KLF12: variants seen among roughly 807,000 people sequenced by gnomAD.
KLF12 encodes the protein Krueppel-like factor 12.
KLF12 carries 9 observed loss-of-function variants against 37.8 expected under a neutral mutation model. The observed-to-expected ratio is 0.24, with a 90% CI of 0.14 to 0.42. The LOEUF (loss-of-function observed/expected upper bound fraction) is 0.42, where lower values mean the gene tolerates loss of function less well. Ranked by LOEUF, KLF12 falls within the 10% of genes least tolerant of loss-of-function variation. The pLI is 1.00. For missense variants in KLF12, 411 were observed against 516.0 expected (o/e 0.80, Z 1.97); for synonymous variants, 208 against 202.1 (o/e 1.03, Z -0.25).
At chr13:73,942,785 C>A (rs1890245758) in intron 3 of KLF12, among the ~76,000 whole-genome samples, 1 of 152,174 alleles carries the variant, frequency 6.6e-6, no homozygotes. Flanking sequence ...TTCAAAGCTA[C>A]AAAACTCAAC....
At chr13:74,027,314 C>A (rs1003049639) in intron 1 of KLF12, among the ~76,000 whole-genome samples, 2 of 152,196 alleles carry the variant, frequency 1.3e-5, no homozygotes, top group African/African-American at 4.8e-5. Context: ...AGTTCTCACA[C>A]TTCCCCCTCT....
chr13:74,135,992 C>G (rs555752702), upstream of KLF12, among the ~76,000 whole-genome samples: 1 of 152,304 alleles, frequency 6.6e-6, no homozygotes, highest in Non-Finnish European at 1.5e-5. Flanking sequence ...CCTCTTGCCA[C>G]TCCTAGGTTC....
At chr13:74,251,666 C>T in the KLF12 span, among the ~76,000 whole-genome samples, 5 of 152,252 alleles carry the variant, frequency 3.3e-5, no homozygotes, top group Admixed American at 2.6e-4. Flanking sequence ...TTTGGCTCCC[C>T]AGTTGGCTGA....
the KLF12 span, among the ~76,000 whole-genome samples, chr13:74,249,549 G>A: frequency 2.6e-5 from 4 of 152,110 alleles, no homozygotes; most frequent in South Asian, 6.2e-4. Context: ...GGGTGGGTAG[G>A]AGGAGCATCA....
the KLF12 span, among the ~76,000 whole-genome samples, chr13:74,182,737 C>A: frequency 6.6e-6 from 1 of 152,196 alleles, no homozygotes; most frequent in Non-Finnish European, 1.5e-5. Context: ...TTATAGAAAC[C>A]AGAGCATTGC....
chr13:74,240,989 A>T, the KLF12 span, among the ~76,000 whole-genome samples: 1 of 151,966 alleles, frequency 6.6e-6, no homozygotes, highest in Non-Finnish European at 1.5e-5. Flanking sequence ...GCTGGTGAGG[A>T]ACTGCGTTCC....
intron 3 of KLF12, among the ~76,000 whole-genome samples, chr13:73,899,390 A>G (rs149088701): frequency 6.6e-6 from 1 of 152,244 alleles, no homozygotes; most frequent in East Asian, 1.9e-4. Flanking sequence ...TAATCTCTCA[A>G]CCCCAAAAAG....
intron 3 of KLF12, among the ~76,000 whole-genome samples, chr13:73,897,890 TTC>T (rs1887860569): frequency 6.6e-6 from 1 of 152,244 alleles, no homozygotes; most frequent in Non-Finnish European, 1.5e-5. Context: ...ATAATGTGGT[TTC>T]TGTTTATTCC....
chr13:73,985,441 G>C (rs1246367654), intron 2 of KLF12, among the ~76,000 whole-genome samples: 1 of 152,162 alleles, frequency 6.6e-6, no homozygotes, highest in Non-Finnish European at 1.5e-5. Context: ...AACAGGGAAA[G>C]GGATTACTCA....
intron 7 of KLF12, among the ~76,000 whole-genome samples, 199 bp downstream of exon 7, chr13:73,715,169 A>G (rs1238220147): frequency 6.6e-6 from 1 of 152,192 alleles, no homozygotes; most frequent in African/African-American, 2.4e-5. Flanking sequence ...TGTTCCCAAC[A>G]TTTTAAAAGC....
chr13:73,864,284 A>AT (rs1886069772), intron 3 of KLF12, among the ~76,000 whole-genome samples: 1 of 152,132 alleles, frequency 6.6e-6, no homozygotes, highest in African/African-American at 2.4e-5. Flanking sequence ...CTTGGTTTCA[A>AT]TTAGGAATTA....
intron 2 of KLF12, among the ~76,000 whole-genome samples, chr13:73,957,591 G>A (rs1213022552): frequency 6.6e-6 from 1 of 152,168 alleles, no homozygotes; most frequent in Non-Finnish European, 1.5e-5. Flanking sequence ...TTTATCCTTG[G>A]CTCTACATCA....
intron 7 of KLF12, among the ~76,000 whole-genome samples, chr13:73,701,127 T>C (rs574523917): frequency 6.6e-6 from 1 of 152,296 alleles, no homozygotes; most frequent in South Asian, 2.1e-4. Context: ...AATGGTGAAT[T>C]TTCCATGAAA....
At position 73,944,071 on chromosome 13, in the gene KLF12, C is replaced by T; in HGVS notation, c.34-1G>A. On this transcript the variant is annotated splice_acceptor_variant, in intron 2 of 7. Transcript: ENST00000377669. LOFTEE classifies it high-confidence loss of function. The stretch of plus-strand genomic sequence containing the variant: ...TTCTGTTCTCAAAGGTGTTGATATT[C>T]TGAGAATAGAAGGGAGAGAGAAAGA... 6.3e-7 allele frequency: 1 copy of T among 1,588,554 alleles called. No individual in the cohort carries two copies. Among genetic ancestry groups the T allele is most frequent in the Non-Finnish European group, 8.6e-7 (1 of 1,158,644 alleles).
At chr13:73,964,655 C>T (rs956615713) in intron 2 of KLF12, among the ~76,000 whole-genome samples, 3 of 150,558 alleles carry the variant, frequency 2.0e-5, no homozygotes, top group African/African-American at 4.9e-5. Context: ...AGTGTATACC[C>T]GAAAGCTTTT....
intron 3 of KLF12, among the ~76,000 whole-genome samples, chr13:73,852,726 G>A (rs1466937623): frequency 6.6e-6 from 1 of 151,922 alleles, no homozygotes; most frequent in Non-Finnish European, 1.5e-5. Context: ...GTGGTGAGCC[G>A]AGATCGTGCC....
At chr13:74,101,506 T>C (rs566646444) in intron 1 of KLF12, among the ~76,000 whole-genome samples, 6 of 151,712 alleles carry the variant, frequency 4.0e-5, no homozygotes, top group Admixed American at 3.9e-4. Flanking sequence ...AAAGCTAAGA[T>C]TATAGTTTCT....
intron 1 of KLF12, among the ~76,000 whole-genome samples, chr13:74,009,677 TCCTATAAGTAC>T (rs1417067182): frequency 6.6e-6 from 1 of 152,176 alleles, no homozygotes; most frequent in Non-Finnish European, 1.5e-5. Flanking sequence ...GCATGTATGG[TCCTATAAGTAC>T]AGTCAATAAA....
chr13:74,258,401 C>T, the KLF12 span: 1 of 151,958 alleles, frequency 6.6e-6, no homozygotes, highest in Non-Finnish European at 1.5e-5. Context: ...GAGTGTTCTG[C>T]CTGTGTGTGT....
Sources: allele counts gnomAD v4.1 joint callset (sites outside exome capture counted in the v4.1 genomes callset), GRCh38; gene constraint gnomAD v4.1.1; transcripts MANE v1.5; gene names NCBI Gene and HGNC (gene_info 2026-07-23, HGNC 2026-07-21).